TTC7B: variants seen among roughly 807,000 people sequenced by gnomAD.
The protein encoded by TTC7B is tetratricopeptide repeat protein 7B.
In TTC7B, 28 loss-of-function variants were observed where a neutral mutation model predicts 106.8. The ratio of observed to expected loss-of-function variants is 0.26; its 90% confidence interval spans 0.19 to 0.36. The LOEUF (loss-of-function observed/expected upper bound fraction) is 0.36. Ranked by LOEUF, TTC7B falls within the 10% of genes least tolerant of loss-of-function variation. The probability of loss-of-function intolerance (pLI) is 1.00; values close to 1 mark genes in which losing one functional copy is unlikely to be tolerated. For synonymous variants in TTC7B, 405 were observed against 430.6 expected (o/e 0.94, Z 0.74); for missense variants, 862 against 1,076.4 (o/e 0.80, Z 2.79).
intron 18 of TTC7B, among the ~76,000 whole-genome samples, chr14:90,582,848 T>A (rs2139810667): frequency 6.6e-6 from 1 of 152,320 alleles, no homozygotes; most frequent in Non-Finnish European, 1.5e-5. Context: ...GCTCCAGGAA[T>A]GAAGCTTTAG....
At chr14:90,629,235 C>T (rs961839085) in intron 15 of TTC7B, among the ~76,000 whole-genome samples, 3 of 114,310 alleles carry the variant, frequency 2.6e-5, no homozygotes, top group African/African-American at 9.9e-5. Flanking sequence ...TCCCTGTTCT[C>T]AGGTTCCTTT....
chr14:90,732,552 A>AT (rs914545769), intron 4 of TTC7B, among the ~76,000 whole-genome samples: 5 of 151,990 alleles, frequency 3.3e-5, no homozygotes, highest in African/African-American at 7.3e-5. Context: ...TAATTCTTGT[A>AT]TTTTTTGTAG....
intron 4 of TTC7B, among the ~76,000 whole-genome samples, chr14:90,743,144 C>G (rs921623839): frequency 6.6e-6 from 1 of 152,200 alleles, no homozygotes; most frequent in Non-Finnish European, 1.5e-5. Context: ...TCATAGCAAC[C>G]TTCTGATAGA....
intron 15 of TTC7B, among the ~76,000 whole-genome samples, chr14:90,636,961 G>C (rs1305702041): frequency 6.8e-6 from 1 of 146,282 alleles, no homozygotes; most frequent in Admixed American, 6.8e-5. Context: ...ACCCAACTAA[G>C]AGATTAAGAA....
At chr14:90,649,914 C>T (rs758511707) in intron 13 of TTC7B, among the ~76,000 whole-genome samples, 21 of 152,104 alleles carry the variant, frequency 1.4e-4, no homozygotes, top group Non-Finnish European at 2.6e-4. Flanking sequence ...CTCCCACCCC[C>T]GCCCCAGAGG....
chr14:90,747,460 T>C (rs1890003997), intron 3 of TTC7B, among the ~76,000 whole-genome samples: 1 of 152,208 alleles, frequency 6.6e-6, no homozygotes, highest in Non-Finnish European at 1.5e-5. Flanking sequence ...AGTATATCAA[T>C]GCCTGATGGT....
chr14:90,683,869 A>T (rs1404735659), intron 7 of TTC7B, among the ~76,000 whole-genome samples: 1 of 152,252 alleles, frequency 6.6e-6, no homozygotes, highest in African/African-American at 2.4e-5. Context: ...TGGTTCGGCC[A>T]TCAAGAAGTC....
In TTC7B at chr14:90,616,783, C is replaced by T. The variant is rs956830194; in HGVS notation, c.1868+1146G>A. On this transcript the variant is annotated intron_variant, in intron 16 of 19. Coordinates refer to ENST00000328459, the MANE Select transcript of TTC7B (RefSeq NM_001010854.2). ...CGTAGCCCTCCCTCCCTGCTGGTCTCTGCAGACCACGGCCACCAGCCCACT... is the reference window on the plus strand; with the variant it reads ...CGTAGCCCTCCCTCCCTGCTGGTCTTTGCAGACCACGGCCACCAGCCCACT... Among the ~76,000 whole-genome samples the T allele has an allele frequency of 3.3e-5, 5 of 152,186 alleles. No individual in the cohort carries two copies. In the South Asian group the frequency reaches 1.0e-3, roughly 32 times the overall value.
At position 90,757,493 on chromosome 14, in the gene TTC7B, C is replaced by A. The variant is rs578211966; in HGVS notation, c.446-12571G>T. Among the ~76,000 whole-genome samples, 1 of 152,068 alleles carries A rather than the reference C, an allele frequency of 6.6e-6. No individual in the cohort carries two copies. The highest frequency in any genetic ancestry group is 2.4e-5 in the African/African-American group (1 of 41,412). On this transcript the variant is annotated intron_variant, in intron 3 of 19. Transcript: ENST00000328459. The surrounding 1 kb of genome is among the most constrained non-coding windows in gnomAD (Gnocchi z 4.1). ...AAGCAGATTCTCAAGGAAAAAAGAT[C>A]GAGCTCTATCTTCTCTCCTGTCCTC...
At chr14:90,574,525 A>T (rs927542102) in intron 19 of TTC7B, among the ~76,000 whole-genome samples, 1 of 152,230 alleles carries the variant, frequency 6.6e-6, no homozygotes, top group Admixed American at 6.5e-5. Context: ...CTATTAGAAG[A>T]TCGTCCGTTT....
chr14:90,574,679 C>A (rs900806556), intron 19 of TTC7B, among the ~76,000 whole-genome samples: 3 of 152,218 alleles, frequency 2.0e-5, no homozygotes, highest in Non-Finnish European at 4.4e-5. Context: ...AGCTGCTGAT[C>A]TGGCACCTGC....
chr14:90,613,972 A>T (rs112271133), intron 16 of TTC7B, among the ~76,000 whole-genome samples: 123 of 152,366 alleles, frequency 8.1e-4, no homozygotes, highest in African/African-American at 2.8e-3. Flanking sequence ...CACAGAGGTT[A>T]AACACGAGAG....
At chr14:90,670,003 T>G (rs1358926422) in intron 9 of TTC7B, among the ~76,000 whole-genome samples, 1 of 152,194 alleles carries the variant, frequency 6.6e-6, no homozygotes, top group African/African-American at 2.4e-5. Flanking sequence ...TGATGTTGGC[T>G]GGGGACAGGA....
intron 5 of TTC7B, among the ~76,000 whole-genome samples, chr14:90,713,344 G>T (rs113707360): frequency 3.4e-3 from 518 of 152,228 alleles, no homozygotes; most frequent in African/African-American, 0.012. Context: ...TTAAACTCCT[G>T]ACCTCAGGTG....
At chr14:90,619,938 C>A (rs894381711) in intron 15 of TTC7B, among the ~76,000 whole-genome samples, 3 of 152,288 alleles carry the variant, frequency 2.0e-5, no homozygotes, top group Admixed American at 2.0e-4. Flanking sequence ...CTTCACCCTG[C>A]ATGATGTGAT....
intron 1 of TTC7B, among the ~76,000 whole-genome samples, chr14:90,810,571 A>G (rs1400470832): frequency 6.6e-6 from 1 of 152,224 alleles, no homozygotes; most frequent in Admixed American, 6.5e-5. Flanking sequence ...TTGTTTTAAA[A>G]GTGTATTAGC....
chr14:90,617,475 A>G (rs1027818150), intron 16 of TTC7B, among the ~76,000 whole-genome samples: 1 of 152,226 alleles, frequency 6.6e-6, no homozygotes, highest in Non-Finnish European at 1.5e-5. Context: ...ACTTTTTCAC[A>G]GTGATATTTT....
At chr14:90,681,920 C>T (rs947992845) in intron 7 of TTC7B, among the ~76,000 whole-genome samples, 16 of 152,142 alleles carry the variant, frequency 1.1e-4, no homozygotes, top group East Asian at 7.7e-4. Context: ...CATGCACACT[C>T]GTGCCCCACA....
chr14:90,620,495 C>T (rs1242230264), intron 15 of TTC7B, among the ~76,000 whole-genome samples: 3 of 152,160 alleles, frequency 2.0e-5, no homozygotes, highest in Admixed American at 2.0e-4. Context: ...GGAGAAGCTG[C>T]CAAACAGGTC....
Sources: gnomAD v4.1 joint callset for allele counts (sites outside exome capture counted in the v4.1 genomes callset) on GRCh38, gnomAD v4.1.1 for gene constraint, Gnocchi (gnomAD v3.1) non-coding constraint, MANE v1.5 for transcripts, NCBI Gene and HGNC (gene_info 2026-07-23, HGNC 2026-07-21) for gene names.